Variants in ABCC1 observed in about 807,000 individuals in gnomAD.
ABCC1 encodes the protein ATP binding cassette subfamily C member 1 (ABCC1 blood group).
Under a neutral mutation model 172.9 loss-of-function variants are expected in ABCC1, and 83 were observed. The ratio of observed to expected loss-of-function variants is 0.48; its 90% CI spans 0.40 to 0.58. ABCC1 has a LOEUF of 0.58. Among genes scored for constraint, ABCC1 ranks in the 20% least tolerant of loss-of-function variants. ABCC1 has a pLI of 0.00. For missense variants in ABCC1, 1,817 were observed against 2,002.7 expected (o/e 0.91, Z 1.77); for synonymous variants, 937 against 825.2 (o/e 1.14, Z -2.32).
At chr16:16,066,238 A>G (rs926324844) in intron 12 of ABCC1, among the ~76,000 whole-genome samples, 3 of 151,976 alleles carry the variant, frequency 2.0e-5, no homozygotes, top group South Asian at 2.1e-4. Context: ...CTGAAGCGCA[A>G]TGGCATGACC....
In ABCC1 at chr16:16,083,488, C is replaced by T. The variant is rs1354815312; in HGVS notation, c.2238C>T (p.Leu746=). Residue 746 remains leucine (L), a synonymous_variant, in exon 17 of 31, where the codon CTC becomes CTT. Transcript: ENST00000399410. ...YYRSVIQACA[L]LPDLEILPSG... is the part of the protein sequence containing the mutation. ...GGTCCGTGATACAGGCCTGTGCCCT[C>T]CTCCCAGACCTGGAAATCCTGCCCA... 1.2e-6 allele frequency: 2 copies of T among 1,613,896 alleles called. No individual in the cohort carries two copies. Among genetic ancestry groups the T allele is most frequent in the Admixed American group, 1.7e-5 (1 of 60,018 alleles).
rs750416230 is a variant in ABCC1, at chr16:16,122,155, C to G, written c.3571C>G (p.Pro1191Ala). 4 of 1,614,058 alleles carry G rather than the reference C, an allele frequency of 2.5e-6. No homozygotes were observed. The Admixed American group carries it at 6.7e-5, about 27-fold the overall frequency. Residue 1191 changes from proline to alanine, a missense_variant, in exon 24 of 31, where the codon CCC becomes GCC. Physicochemically the swap from Pro to Ala is conservative, Grantham distance 27. Around this residue, in one of 3 missense-constraint regions of ABCC1, gnomAD observed 1,412 missense variants for 1,600.3 expected, o/e 0.88. Transcript: ENST00000399410. ...KVDENQKAYY[P>A]SIVANRWLAV... ...GGACGAGAACCAGAAGGCCTATTACCCCAGCATCGTGGCCAACAGGTGGGC... is the reference window on the plus strand; with the variant it reads ...GGACGAGAACCAGAAGGCCTATTACGCCAGCATCGTGGCCAACAGGTGGGC...
At position 16,115,427 on chromosome 16, in the gene ABCC1, T is replaced by TGCACTGTGGAGTGCAG. The variant is rs1567422624; in HGVS notation, c.3390+351_3390+352insGCACTGTGGAGTGCAG. 2.0e-5 allele frequency among the ~76,000 whole-genome samples: 3 copies of TGCACTGTGGAGTGCAG among 152,194 alleles called. No homozygotes were observed. In the East Asian group the frequency reaches 5.8e-4, roughly 29 times the overall value. ...TGGAGTGCAGTGGCACAATCTTGGC[T>TGCACTGTGGAGTGCAG]TACTGCAACCTCCACCTCCCAGTTC... On this transcript the variant is annotated intron_variant, in intron 23 of 30. Coordinates refer to ENST00000399410, the MANE Select transcript of ABCC1 (RefSeq NM_004996.4).
At chr16:16,024,464 A>G (rs930698366) in intron 5 of ABCC1, among the ~76,000 whole-genome samples, 1 of 152,066 alleles carries the variant, frequency 6.6e-6, no homozygotes, top group African/African-American at 2.4e-5. Context: ...CGATCCTCCC[A>G]CCTCAGCCTC....
At chr16:16,008,816 C>G (rs1323845518) in intron 2 of ABCC1, among the ~76,000 whole-genome samples, 1 of 137,302 alleles carries the variant, frequency 7.3e-6, no homozygotes, top group Non-Finnish European at 1.5e-5. Context: ...GCACTCTAGC[C>G]TGTGCAACAG....
chr16:16,079,052 C>T (rs1010267870), intron 15 of ABCC1, among the ~76,000 whole-genome samples: 8 of 152,068 alleles, frequency 5.3e-5, no homozygotes, highest in Non-Finnish European at 8.8e-5. Context: ...TCTGCCTCTC[C>T]GAGGGGCAAA....
intron 7 of ABCC1, among the ~76,000 whole-genome samples, chr16:16,040,591 T>A (rs928187245): frequency 9.9e-5 from 15 of 151,876 alleles, no homozygotes; most frequent in South Asian, 4.2e-4. Flanking sequence ...CTGGCCTTTT[T>A]AAATTTATTT....
intron 16 of ABCC1, among the ~76,000 whole-genome samples, chr16:16,080,895 T>G (rs2050781828): frequency 6.6e-6 from 1 of 151,786 alleles, no homozygotes; most frequent in Non-Finnish European, 1.5e-5. Flanking sequence ...AGACAGAGTT[T>G]TTTTTGTTGC....
intron 1 of ABCC1, among the ~76,000 whole-genome samples, chr16:16,005,641 C>G (rs963793199): frequency 5.9e-5 from 9 of 152,102 alleles, no homozygotes; most frequent in Non-Finnish European, 7.4e-5. Flanking sequence ...CCACTGCGCC[C>G]AGAAGATTTT....
At chr16:16,001,147 G>T (rs2047292524) in intron 1 of ABCC1, among the ~76,000 whole-genome samples, 1 of 152,160 alleles carries the variant, frequency 6.6e-6, no homozygotes, top group African/African-American at 2.4e-5. Flanking sequence ...AATTGTAGGA[G>T]AAGTAGATGG....
rs543160193 is a variant in ABCC1, at chr16:16,141,696, C to T, written c.*415C>T. ...GATCTCTCCAGCCGAAGTCTGTGGA[C>T]TGCAAGTCTTTGAGATGCTTCTGGC... On this transcript the variant is annotated 3_prime_UTR_variant, in exon 31 of 31. Transcript: ENST00000399410. The T allele has an allele frequency of 5.5e-6, 1 of 182,706 alleles. No homozygotes were observed. The highest frequency in any genetic ancestry group is 5.9e-5 in the Admixed American group (1 of 17,012). 11.3% of individuals were successfully genotyped at this position (182,706 alleles called of 1,614,324 possible). A position where few individuals can be genotyped will look rare whatever the true frequency, so the allele number is the denominator to read the frequency against.
chr16:16,055,795 G>A (rs1465940464), intron 11 of ABCC1, among the ~76,000 whole-genome samples: 1 of 151,256 alleles, frequency 6.6e-6, no homozygotes, highest in Non-Finnish European at 1.5e-5. Flanking sequence ...CAAGAGTAGG[G>A]CTAGTAGGGA....
intron 1 of ABCC1, among the ~76,000 whole-genome samples, chr16:15,958,978 C>G (rs45523633): frequency 0.029 from 4,385 of 152,202 alleles, 237 homozygotes; most frequent in African/African-American, 0.1. Flanking sequence ...TTGTGACAAC[C>G]GAAAATGCCT....
rs375878723 is a variant in ABCC1 at position 16,106,776 on chromosome 16, G to A, written c.2774G>A (p.Ser925Asn). ...TCCTCCTCCTATAGTGGGGACATCA[G>A]CAGGCACCACAACAGCACCGCAGAA... is the stretch of plus-strand genomic sequence containing the variant. ...SSSSSYSGDI[S>N]RHHNSTAELQ... Residue 925 changes from serine (S) to asparagine (N), a missense_variant, in exon 21 of 31, where the codon AGC becomes AAC. By Grantham distance (46) the Ser-to-Asn change is conservative. Transcript: ENST00000399410. 6.2e-7 allele frequency: 1 copy of A among 1,614,130 alleles called. No homozygotes were observed. Among genetic ancestry groups the A allele is most frequent in the Non-Finnish European group, 8.5e-7 (1 of 1,180,024 alleles).
chr16:15,949,601 C>A, upstream of ABCC1: 1 of 72,468 alleles, frequency 1.4e-5, no homozygotes, highest in South Asian at 4.6e-4. Flanking sequence ...GGCCCCGGCC[C>A]CGGCTCCCTG....
At chr16:16,071,872 G>A (rs2050364837) in intron 14 of ABCC1, 143 bp downstream of exon 14, 1 of 726,288 alleles carries the variant, frequency 1.4e-6, no homozygotes, top group South Asian at 1.7e-5. Flanking sequence ...CGGGGGACAA[G>A]GGTTCTGCAG....
chr16:15,972,903 A>G (rs2046401399), intron 1 of ABCC1, among the ~76,000 whole-genome samples: 2 of 141,414 alleles, frequency 1.4e-5, no homozygotes, highest in African/African-American at 2.6e-5. Flanking sequence ...GGCTGAAGCT[A>G]TCCTCCCACC....
intron 13 of ABCC1, among the ~76,000 whole-genome samples, chr16:16,068,643 A>G (rs2050206089): frequency 6.6e-6 from 1 of 152,010 alleles, no homozygotes; most frequent in South Asian, 2.1e-4. Context: ...GTCTGACTTG[A>G]TTGATTTTAC....
chr16:16,009,987 G>A, intron 3 of ABCC1, 86 bp downstream of exon 3: 2 of 862,172 alleles, frequency 2.3e-6, no homozygotes, highest in South Asian at 6.7e-5. Flanking sequence ...TAGAATCATA[G>A]TTTTTTAAGG....
Sources: allele counts gnomAD v4.1 joint callset (sites outside exome capture counted in the v4.1 genomes callset), GRCh38; gene constraint gnomAD v4.1.1; regional missense constraint gnomAD v4.1.1; transcripts MANE v1.5; gene names NCBI Gene and HGNC (gene_info 2026-07-23, HGNC 2026-07-21).